HDAC4: variants seen among roughly 807,000 people sequenced by gnomAD.
HDAC4 encodes the protein histone deacetylase 4, also known as histone deacetylase A.
HDAC4 carries 16 observed loss-of-function variants against 135.1 expected under a neutral mutation model. That is an observed-to-expected ratio of 0.12 (90% CI 0.08 to 0.18). HDAC4 has a LOEUF of 0.18. HDAC4 is among the 10% of genes least tolerant of loss of function. HDAC4 has a pLI of 1.00. For synonymous variants in HDAC4, 685 were observed against 653.4 expected, an observed-to-expected ratio of 1.05 and a Z score of -0.74; for missense variants, 1,143 against 1,511.8, an observed-to-expected ratio of 0.76 and a Z score of 4.05.
chr2:239,318,395 G>A (rs889911109), intron 2 of HDAC4, among the ~76,000 whole-genome samples: 37 of 152,188 alleles, frequency 2.4e-4, no homozygotes, highest in African/African-American at 8.7e-4. Flanking sequence ...TGAATGTCAC[G>A]AAACATAAAA....
intron 2 of HDAC4, among the ~76,000 whole-genome samples, chr2:239,255,163 G>A: frequency 6.6e-6 from 1 of 152,220 alleles, no homozygotes; most frequent in Non-Finnish European, 1.5e-5. Flanking sequence ...AGGTGAAAGA[G>A]TAAGATGACA....
chr2:239,298,863 ATTTTTTTTTT>A (rs35449811), intron 2 of HDAC4, among the ~76,000 whole-genome samples: 2 of 82,978 alleles, frequency 2.4e-5, no homozygotes, highest in Non-Finnish European at 2.2e-5. Flanking sequence ...GCCATAGCCT[ATTTTTTTTTT>A]TTTTTTTTTT....
Position 239,048,494 on chromosome 2 carries a change from G to C in HDAC4, c.*4603C>G, listed in dbSNP as rs912789458. ...CAGGCATCAGGTAGGTTACAGTGTCGTTACAACTTGGTTTTCTACCACATT... is the reference window on the plus strand; with the variant it reads ...CAGGCATCAGGTAGGTTACAGTGTCCTTACAACTTGGTTTTCTACCACATT... On this transcript the variant is annotated 3_prime_UTR_variant, in exon 27 of 27. Coordinates refer to ENST00000543185, the MANE Select transcript of HDAC4 (RefSeq NM_001378414.1). 1 of 152,148 alleles carries C rather than the reference G, an allele frequency of 6.6e-6. No homozygotes were observed. The highest frequency in any genetic ancestry group is 6.5e-5 in the Admixed American group (1 of 15,276). The allele number at this position is 152,148 out of a possible 1,614,324, so 9.4% of individuals were successfully genotyped here.
intron 1 of HDAC4, among the ~76,000 whole-genome samples, chr2:239,386,089 CTA>C (rs1360613216): frequency 5.3e-5 from 8 of 152,066 alleles, no homozygotes; most frequent in African/African-American, 1.9e-4. Context: ...GCGTTTTACT[CTA>C]GACAATGATG....
Position 239,056,389 on chromosome 2 carries a change from G to A in HDAC4, c.3004-1556C>T, listed in dbSNP as rs569661237. 1.2e-4 allele frequency among the ~76,000 whole-genome samples: 19 copies of A among 152,318 alleles called. No homozygotes were observed. The Middle Eastern group carries it at 0.01, about 82-fold the overall frequency. Reference sequence around the variant, plus strand: ...AAGACACGAGAGCCTGGAGCACCTCGTGGTGCTGGGAAATCAGGACGTGCC... The same window carrying A: ...AAGACACGAGAGCCTGGAGCACCTCATGGTGCTGGGAAATCAGGACGTGCC... On this transcript the variant is annotated intron_variant, in intron 24 of 26. Transcript: ENST00000543185.
intron 2 of HDAC4, among the ~76,000 whole-genome samples, chr2:239,275,212 C>T (rs930619536): frequency 3.3e-5 from 5 of 152,386 alleles, no homozygotes; most frequent in East Asian, 1.9e-4. Flanking sequence ...GCCCAGACCA[C>T]CAGGCCGCGC....
chr2:239,109,419 A>C (rs1293614268), intron 14 of HDAC4, among the ~76,000 whole-genome samples: 1 of 152,170 alleles, frequency 6.6e-6, no homozygotes, highest in Non-Finnish European at 1.5e-5. Flanking sequence ...CAGCATCCCC[A>C]GCCAAGGGGA....
At chr2:239,310,042 G>A (rs538910438) in intron 2 of HDAC4, among the ~76,000 whole-genome samples, 3 of 152,202 alleles carry the variant, frequency 2.0e-5, no homozygotes, top group East Asian at 1.9e-4. Flanking sequence ...AGGGTTAGCC[G>A]TCCAGTTAGG....
At chr2:239,090,788 A>G (rs1022937838) in intron 17 of HDAC4, among the ~76,000 whole-genome samples, 7 of 152,244 alleles carry the variant, frequency 4.6e-5, no homozygotes, top group Non-Finnish European at 5.9e-5. Context: ...AAAATCTGAA[A>G]AACACCAAAC....
chr2:239,107,612 A>C (rs1405416261), intron 15 of HDAC4, among the ~76,000 whole-genome samples: 1 of 152,218 alleles, frequency 6.6e-6, no homozygotes, highest in Non-Finnish European at 1.5e-5. Flanking sequence ...AAAAGAGAAA[A>C]TTATTTTAAC....
intron 6 of HDAC4, among the ~76,000 whole-genome samples, chr2:239,159,737 G>A (rs964014351): frequency 1.3e-5 from 2 of 152,138 alleles, no homozygotes; most frequent in African/African-American, 2.4e-5. Context: ...GCCACCCCAC[G>A]GAGCCCTGAG....
intron 1 of HDAC4, among the ~76,000 whole-genome samples, chr2:239,396,003 G>T (rs548650280): frequency 6.6e-6 from 1 of 152,204 alleles, no homozygotes; most frequent in South Asian, 2.1e-4. Flanking sequence ...ACAGCCCAGG[G>T]TCTCGCTGTG....
At chr2:239,161,586 A>G (rs1025657142) in intron 6 of HDAC4, among the ~76,000 whole-genome samples, 107 of 152,120 alleles carry the variant, frequency 7.0e-4, no homozygotes, top group African/African-American at 2.0e-3. Flanking sequence ...AAACAAGAAA[A>G]CCACCAGGCT....
intron 1 of HDAC4, among the ~76,000 whole-genome samples, chr2:239,389,614 G>C (rs1696064096): frequency 6.6e-6 from 1 of 152,192 alleles, no homozygotes; most frequent in Non-Finnish European, 1.5e-5. Context: ...GGGATTCTGA[G>C]GCGAGGTCCG....
intron 6 of HDAC4, 78 bp downstream of exon 6, chr2:239,163,725 A>G (rs2042960798): frequency 6.9e-7 from 1 of 1,452,396 alleles, no homozygotes; most frequent in Non-Finnish European, 9.7e-7. Context: ...AGCTGGCTCC[A>G]TGCAAATCTA....
chr2:239,316,882 T>C (rs1299379795), intron 2 of HDAC4, among the ~76,000 whole-genome samples: 1 of 152,178 alleles, frequency 6.6e-6, no homozygotes, highest in Non-Finnish European at 1.5e-5. Context: ...CTTTTGAAGC[T>C]GCAATTGGGT....
At position 239,115,844 on chromosome 2, in the gene HDAC4, T is replaced by A. The variant is rs2039085271; in HGVS notation, c.1534-534A>T. Among the ~76,000 whole-genome samples the A allele has an allele frequency of 6.6e-6, 1 of 151,312 alleles. No homozygotes were observed. Among genetic ancestry groups the A allele is most frequent in the Admixed American group, 6.6e-5 (1 of 15,174 alleles). ...CCATGACCTCCCTCCTGCCGGATCC[T>A]GGGAACACTCCAGGACCTCCCTTCC... On this transcript the variant is annotated intron_variant, in intron 12 of 26. Transcript: ENST00000543185. This position sits in a 1 kb window ranked among gnomAD's most constrained non-coding sequence, Gnocchi z 6.3.
intron 15 of HDAC4, among the ~76,000 whole-genome samples, chr2:239,104,698 A>G (rs554578670): frequency 1.1e-4 from 17 of 151,244 alleles, no homozygotes; most frequent in African/African-American, 3.9e-4. Flanking sequence ...GAGGCAGGTC[A>G]TGTAGTGTGG....
intron 5 of HDAC4, among the ~76,000 whole-genome samples, chr2:239,170,525 T>G (rs1017435905): frequency 9.2e-5 from 14 of 152,170 alleles, no homozygotes; most frequent in African/African-American, 3.4e-4. Flanking sequence ...TATTAACATA[T>G]CCTTTCACTC....
Sources: gnomAD v4.1 joint callset for allele counts (sites outside exome capture counted in the v4.1 genomes callset) on GRCh38, gnomAD v4.1.1 for gene constraint, Gnocchi (gnomAD v3.1) non-coding constraint, MANE v1.5 for transcripts, NCBI Gene and HGNC (gene_info 2026-07-23, HGNC 2026-07-21) for gene names.